Variants in GIMAP5 observed in about 807,000 individuals in gnomAD.
GIMAP5 encodes GTPase IMAP family member 5.
GIMAP5 carries 8 observed loss-of-function variants against 9.9 expected under a neutral mutation model. The ratio of observed to expected loss-of-function variants is 0.81; its 90% CI spans 0.47 to 1.45. GIMAP5 has a LOEUF of 1.45. GIMAP5 is among the 40% of genes most tolerant of loss of function. GIMAP5 has a pLI of 0.00. For missense variants in GIMAP5, 353 were observed against 367.4 expected, an observed-to-expected ratio of 0.96 and a Z score of 0.32; for synonymous variants, 174 against 151.4, an observed-to-expected ratio of 1.15 and a Z score of -1.09.
rs1478660961 is a variant in GIMAP5 at position 150,742,766 on chromosome 7, G to C, written c.627G>C (p.Arg209Ser). 6.2e-7 allele frequency: 1 copy of C among 1,614,170 alleles called. No individual in the cohort carries two copies. Among genetic ancestry groups the C allele is most frequent in the Admixed American group, 1.7e-5 (1 of 60,030 alleles). The change falls in exon 3 of 3, where the codon AGG becomes AGC. Residue 209 changes from arginine (R) to serine (S), a missense_variant. Physicochemically the swap from Arg to Ser is moderately radical, Grantham distance 110. Transcript: ENST00000358647. Reference sequence around the variant, plus strand: ...CAGAGCTCCTGGCTGTGATTGAGAGGCTGGGGAGGGAGCGAGAGGGCTCCT... The same window carrying C: ...CAGAGCTCCTGGCTGTGATTGAGAGCCTGGGGAGGGAGCGAGAGGGCTCCT... Reference protein sequence around the residue: ...QQAELLAVIERLGREREGSFH... With the variant: ...QQAELLAVIESLGREREGSFH...
intron 1 of GIMAP5, chr7:150,740,025 G>T (rs996185286): frequency 6.6e-6 from 1 of 152,164 alleles, no homozygotes; most frequent in Non-Finnish European, 1.5e-5. Context: ...AGGATGACAG[G>T]AAATTAAAAG....
chr7:150,742,691 C>T lies in GIMAP5; in HGVS notation c.552C>T (p.Tyr184=), dbSNP rs1320007337. The T allele has an allele frequency of 1.2e-6, 2 of 1,614,234 alleles. No individual in the cohort carries two copies. Among genetic ancestry groups the T allele is most frequent in the Admixed American group, 1.7e-5 (1 of 60,028 alleles). Residue 184 remains tyrosine (Y), a synonymous_variant, in exon 3 of 3, where the codon TAC becomes TAT. Coordinates refer to ENST00000358647, the MANE Select transcript of GIMAP5 (RefSeq NM_018384.5). ...TGGTGCGGGAGTGTGAGAGAAGGTA[C>T]TGTGCCTTCAACAACTGGGGCTCTG... ...KDLVRECERR[Y]CAFNNWGSVE...
Position 150,742,926 on chromosome 7 carries a change from A to C in GIMAP5, c.787A>C (p.Asn263His). 2 of 1,614,180 alleles carry C rather than the reference A, an allele frequency of 1.2e-6. No individual in the cohort carries two copies. The highest frequency in any genetic ancestry group is 1.7e-6 in the Non-Finnish European group (2 of 1,180,012). The change falls in exon 3 of 3, where the codon AAC becomes CAC. Residue 263 changes from asparagine to histidine, a missense_variant. Coordinates refer to ENST00000358647, the MANE Select transcript of GIMAP5 (RefSeq NM_018384.5). ...VEKHKQELRE[N>H]ESNWAYKALL... ...GAAGCACAAGCAAGAGCTGAGGGAG[A>C]ACGAGAGTAACTGGGCATACAAGGC...
chr7:150,742,452 C>A lies in GIMAP5; in HGVS notation c.313C>A (p.Leu105Met). The change falls in exon 3 of 3, where the codon CTG (leucine) becomes ATG (methionine). Residue 105 changes from leucine (L) to methionine (M), a missense_variant. By Grantham distance (15) the Leu-to-Met change is conservative. Coordinates refer to ENST00000358647, the MANE Select transcript of GIMAP5 (RefSeq NM_018384.5). ...GTACAAGAACATCGGGGACTGCTAC[C>A]TGCTCTCTGCCCCGGGGCCCCACGT... is the stretch of plus-strand genomic sequence containing the variant. Reference protein sequence around the residue: ...ELYKNIGDCYLLSAPGPHVLL... With the variant: ...ELYKNIGDCYMLSAPGPHVLL... 6.2e-7 allele frequency: 1 copy of A among 1,614,228 alleles called. No individual in the cohort carries two copies. The highest frequency in any genetic ancestry group is 8.5e-7 in the Non-Finnish European group (1 of 1,180,048).
chr7:150,737,590 C>A lies in GIMAP5; in HGVS notation c.-125C>A. The A allele has an allele frequency of 6.5e-7, 1 of 1,535,672 alleles. No homozygotes were observed. Among genetic ancestry groups the A allele is most frequent in the Non-Finnish European group, 8.7e-7 (1 of 1,146,878 alleles). ...TCCCTCAGCCCTGTGAACAGCATCCCCGCACACAGACGCAGAGCAGGACTC... is the reference window on the plus strand; with the variant it reads ...TCCCTCAGCCCTGTGAACAGCATCCACGCACACAGACGCAGAGCAGGACTC... On this transcript the variant is annotated 5_prime_UTR_variant, in exon 1 of 3. Transcript: ENST00000358647.
chr7:150,741,463 C>T (rs1797593379), intron 2 of GIMAP5, among the ~76,000 whole-genome samples: 1 of 152,174 alleles, frequency 6.6e-6, no homozygotes, highest in African/African-American at 2.4e-5. Context: ...TCTCCAACAC[C>T]ACTTCTGCTA....
Position 150,742,789 on chromosome 7 carries a change from C to G in GIMAP5, c.650C>G (p.Ser217Cys). The change falls in exon 3 of 3, where the codon TCC (serine) becomes TGC (cysteine). Residue 217 changes from serine (S) to cysteine (C), a missense_variant. Transcript: ENST00000358647. ...AGGCTGGGGAGGGAGCGAGAGGGCT[C>G]CTTCCACAGCAATGACCTCTTCTTG... ...IERLGREREG[S>C]FHSNDLFLDA... is the part of the protein sequence containing the mutation. The G allele has an allele frequency of 2.5e-6, 4 of 1,614,120 alleles. No homozygotes were observed. Among genetic ancestry groups the G allele is most frequent in the Non-Finnish European group, 3.4e-6 (4 of 1,180,022 alleles).
At chr7:150,741,349 T>A (rs144945648) in intron 2 of GIMAP5, among the ~76,000 whole-genome samples, 225 of 152,252 alleles carry the variant, frequency 1.5e-3, no homozygotes, top group African/African-American at 5.3e-3. Flanking sequence ...AATAATAGAT[T>A]TTTAAGAGCC....
Position 150,743,319 on chromosome 7 carries a change from T to C in GIMAP5, c.*256T>C. On this transcript the variant is annotated 3_prime_UTR_variant, in exon 3 of 3. Coordinates refer to ENST00000358647, the MANE Select transcript of GIMAP5 (RefSeq NM_018384.5). ...GGGCCTGAGATCCCATGCAGGTCCC[T>C]GAGAAGTGAGTAAAAGTCCGCAGAG... is the stretch of plus-strand genomic sequence containing the variant. 2.2e-6 allele frequency: 1 copy of C among 447,444 alleles called. No individual in the cohort carries two copies. Among genetic ancestry groups the C allele is most frequent in the Non-Finnish European group, 4.0e-6 (1 of 249,486 alleles). The allele number at this position is 447,444 out of a possible 1,614,324, so 27.7% of individuals were successfully genotyped here.
rs774356807 is a variant in GIMAP5 at position 150,742,530 on chromosome 7, A to G, written c.391A>G (p.Ile131Val). 5 of 1,614,122 alleles carry G rather than the reference A, an allele frequency of 3.1e-6. No homozygotes were observed. In the South Asian group the frequency reaches 5.5e-5, roughly 18 times the overall value. ...TTTCACTGCTCAGGACACAGTGGCC[A>G]TCAGGAAGGTGAAAGAGGTCTTTGG... is the stretch of plus-strand genomic sequence containing the variant. ...GRFTAQDTVAIRKVKEVFGTG... is the reference protein window; with the variant it reads ...GRFTAQDTVAVRKVKEVFGTG... The change falls in exon 3 of 3, where the codon ATC becomes GTC. Residue 131 changes from isoleucine (I) to valine (V), a missense_variant. Ile to Val is a conservative substitution (Grantham distance 29). Transcript: ENST00000358647.
chr7:150,742,488 G>A lies in GIMAP5; in HGVS notation c.349G>A (p.Val117Met). 6.2e-7 allele frequency: 1 copy of A among 1,614,200 alleles called. No individual in the cohort carries two copies. The highest frequency in any genetic ancestry group is 8.5e-7 in the Non-Finnish European group (1 of 1,180,038). The change falls in exon 3 of 3, where the codon GTG becomes ATG. Residue 117 changes from valine (V) to methionine (M), a missense_variant. Transcript: ENST00000358647. ...SAPGPHVLLLVIQLGRFTAQD... is the reference protein window; with the variant it reads ...SAPGPHVLLLMIQLGRFTAQD... ...CCCGGGGCCCCACGTCCTGCTTCTG[G>A]TGATCCAGCTGGGGCGTTTCACTGC...
chr7:150,742,612 G>A lies in GIMAP5; in HGVS notation c.473G>A (p.Gly158Asp), dbSNP rs562399062. 62 of 1,614,204 alleles carry A rather than the reference G, an allele frequency of 3.8e-5. No homozygotes were observed. In the Admixed American group the frequency reaches 1.0e-3, roughly 27 times the overall value. Reference sequence around the variant, plus strand: ...TTCACCCACAAAGAGGACTTAGGGGGCCAGGCCCTGGATGACTATGTAGCA... The same window carrying A: ...TTCACCCACAAAGAGGACTTAGGGGACCAGGCCCTGGATGACTATGTAGCA... ...ILFTHKEDLG[G>D]QALDDYVANT... is the part of the protein sequence containing the mutation. Residue 158 changes from glycine to aspartate, a missense_variant, in exon 3 of 3, where the codon GGC becomes GAC. Coordinates refer to ENST00000358647, the MANE Select transcript of GIMAP5 (RefSeq NM_018384.5).
chr7:150,739,215 T>C (rs1042409108), intron 1 of GIMAP5: 2 of 152,238 alleles, frequency 1.3e-5, no homozygotes, highest in Non-Finnish European at 2.9e-5. Context: ...GGCAGCATTG[T>C]ACACATGTTC....
chr7:150,737,552 C>A lies in GIMAP5; in HGVS notation c.-163C>A, dbSNP rs764979133. ...CCAGCACATGGCTCCTCCTTAACTG[C>A]GTCTGCTCAACCTCCCTCAGCCCTG... On this transcript the variant is annotated 5_prime_UTR_variant, in exon 1 of 3. Coordinates refer to ENST00000358647, the MANE Select transcript of GIMAP5 (RefSeq NM_018384.5). 6.5e-7 allele frequency: 1 copy of A among 1,535,518 alleles called. No homozygotes were observed. Among genetic ancestry groups the A allele is most frequent in the African/African-American group, 1.4e-5 (1 of 73,016 alleles).
intron 2 of GIMAP5, among the ~76,000 whole-genome samples, chr7:150,741,309 C>A (rs10239400): frequency 0.37 from 56,563 of 151,840 alleles, 11,483 homozygotes; most frequent in African/African-American, 0.54. Flanking sequence ...CTTAAGAAAA[C>A]GAAGAACCAA....
intron 2 of GIMAP5, among the ~76,000 whole-genome samples, 198 bp downstream of exon 2, chr7:150,741,125 C>T (rs1282111760): frequency 6.6e-6 from 1 of 152,064 alleles, no homozygotes; most frequent in Non-Finnish European, 1.5e-5. Flanking sequence ...TAGTGTGATG[C>T]TCTCCCTGCA....
Position 150,742,321 on chromosome 7 carries a change from C to T in GIMAP5, c.182C>T (p.Ser61Leu). The change falls in exon 3 of 3, where the codon TCA becomes TTA. Residue 61 changes from serine to leucine, a missense_variant. Ser to Leu is a moderately radical substitution (Grantham distance 145). Coordinates refer to ENST00000358647, the MANE Select transcript of GIMAP5 (RefSeq NM_018384.5). ...TTTGAGTCCAAGCTGAGGGCCCAGTCAGTGACCAGGACGTGCCAGGTGAAA... is the reference window on the plus strand; with the variant it reads ...TTTGAGTCCAAGCTGAGGGCCCAGTTAGTGACCAGGACGTGCCAGGTGAAA... ...PVFESKLRAQ[S>L]VTRTCQVKTG... 1 of 1,614,162 alleles carries T rather than the reference C, an allele frequency of 6.2e-7. No homozygotes were observed. Among genetic ancestry groups the T allele is most frequent in the Non-Finnish European group, 8.5e-7 (1 of 1,180,036 alleles).
intron 1 of GIMAP5, chr7:150,738,680 CTT>C (rs1797552337): frequency 6.6e-6 from 1 of 152,228 alleles, no homozygotes; most frequent in African/African-American, 2.4e-5. Flanking sequence ...ACTTTGGTCT[CTT>C]TTGTGGGACG....
At chr7:150,739,175 TC>T (rs1322244917) in intron 1 of GIMAP5, 2 of 152,238 alleles carry the variant, frequency 1.3e-5, no homozygotes. Context: ...CTTCTAGCTG[TC>T]CAATTAATTT....
Sources: gnomAD v4.1 joint callset for allele counts (sites outside exome capture counted in the v4.1 genomes callset) on GRCh38, gnomAD v4.1.1 for gene constraint, MANE v1.5 for transcripts, NCBI Gene and HGNC (gene_info 2026-07-23, HGNC 2026-07-21) for gene names.